MYO1F: variants seen among roughly 807,000 people sequenced by gnomAD.
MYO1F encodes myosin IF.
In MYO1F, 60 loss-of-function variants were observed where a neutral mutation model predicts 146.6. The ratio of observed to expected loss-of-function variants is 0.41; its 90% confidence interval spans 0.33 to 0.51. The LOEUF (loss-of-function observed/expected upper bound fraction) is 0.51. MYO1F is among the 20% of genes least tolerant of loss of function. The probability of loss-of-function intolerance (pLI) is 0.25; values close to 1 mark genes in which losing one functional copy is unlikely to be tolerated. For synonymous variants in MYO1F, 602 were observed against 602.1 expected (o/e 1.00, Z 0.00); for missense variants, 1,274 against 1,534.3 (o/e 0.83, Z 2.83).
At chr19:8,536,627 G>C in intron 17 of MYO1F, 30 bp from the exon 18 acceptor site, 4 of 1,479,200 alleles carry the variant, frequency 2.7e-6, no homozygotes, top group Non-Finnish European at 3.7e-6. Context: ...GAGTCCCCTC[G>C]GGGTGGGGAG....
At position 8,555,646 on chromosome 19, in the gene MYO1F, T is replaced by C. The variant is rs1455790464; in HGVS notation, c.141+13A>G. On this transcript the variant is annotated intron_variant, in intron 2 of 27. Transcript: ENST00000644032. ...TTCCCTGCCTGCCCACCCCCAGCCT[T>C]GGCCCAGGGTACGAAGATGTAGTCG... 1 of 1,613,972 alleles carries C rather than the reference T, an allele frequency of 6.2e-7. No individual in the cohort carries two copies. Among genetic ancestry groups the C allele is most frequent in the Non-Finnish European group, 8.5e-7 (1 of 1,179,962 alleles).
chr19:8,541,813 T>C lies in MYO1F; in HGVS notation c.1610+93A>G, dbSNP rs558540295. On this transcript the variant is annotated intron_variant, in intron 15 of 27. Coordinates refer to ENST00000644032, the MANE Select transcript of MYO1F (RefSeq NM_012335.4). Reference sequence around the variant, plus strand: ...CACTCCCCTCGAGTTTGTGGCGAGATGGCAGTTCTGGGTAAGATGGAGTGG... The same window carrying C: ...CACTCCCCTCGAGTTTGTGGCGAGACGGCAGTTCTGGGTAAGATGGAGTGG... 5.1e-4 allele frequency: 589 copies of C among 1,144,710 alleles called. 13 individuals are homozygous for C. The South Asian group carries it at 6.2e-3, about 12-fold the overall frequency. The allele number at this position is 1,144,710 out of a possible 1,614,324, so 70.9% of individuals were successfully genotyped here.
At position 8,550,700 on chromosome 19, in the gene MYO1F, G is replaced by T; in HGVS notation, c.772-6C>A. ...CCAATAACCTGCATAGCACTCTGTG[G>T]TACAACGGGGGCAGAAACTGTGCCG... On this transcript the variant is annotated splice_region_variant and splice_polypyrimidine_tract_variant and intron_variant, in intron 8 of 27. Transcript: ENST00000644032. The T allele has an allele frequency of 6.2e-7, 1 of 1,613,956 alleles. No individual in the cohort carries two copies. The highest frequency in any genetic ancestry group is 8.5e-7 in the Non-Finnish European group (1 of 1,179,990).
chr19:8,554,429 G>T (rs375202476), intron 4 of MYO1F, 48 bp downstream of exon 4: 10 of 1,496,686 alleles, frequency 6.7e-6, no homozygotes, highest in Middle Eastern at 2.2e-4. Context: ...TGATGTTTCA[G>T]CAGGGGCCCG....
At chr19:8,547,300 CAAAA>C (rs1196814670) in intron 12 of MYO1F, among the ~76,000 whole-genome samples, 1 of 44,994 alleles carries the variant, frequency 2.2e-5, no homozygotes, top group African/African-American at 8.7e-5. Context: ...GTTCCTGTCT[CAAAA>C]AAAAAAAAAA....
intron 1 of MYO1F, among the ~76,000 whole-genome samples, chr19:8,558,247 C>T (rs1973938292): frequency 6.6e-6 from 1 of 151,988 alleles, no homozygotes; most frequent in South Asian, 2.1e-4. Flanking sequence ...CACTGTAGCC[C>T]TGACCTTCTG....
rs563135856 is a variant in MYO1F, at chr19:8,550,641, C to T, written c.825G>A (p.Gln275=). The stretch of plus-strand genomic sequence containing the variant: ...CCAGGTGCAAGATCCCCGCCACGAG[C>T]TGCAGGACCAGCTGCTGGATGCTGG... ...IPPSIQQLVL[Q]LVAGILHLGN... The change falls in exon 9 of 28, where the codon CAG becomes CAA. Residue 275 remains glutamine, a synonymous_variant. Coordinates refer to ENST00000644032, the MANE Select transcript of MYO1F (RefSeq NM_012335.4). The T allele has an allele frequency of 1.1e-4, 172 of 1,614,184 alleles. 2 individuals carry two copies. In the South Asian group the frequency reaches 1.1e-3, roughly 11 times the overall value.
intron 1 of MYO1F, among the ~76,000 whole-genome samples, chr19:8,556,906 AAAAAG>A (rs1287986078): frequency 2.0e-5 from 3 of 151,548 alleles, no homozygotes; most frequent in Non-Finnish European, 4.4e-5. Context: ...AAAAAAAAAA[AAAAAG>A]GAAGCCAATC....
intron 1 of MYO1F, among the ~76,000 whole-genome samples, chr19:8,560,919 G>A (rs1464311707): frequency 1.3e-5 from 2 of 151,778 alleles, no homozygotes; most frequent in African/African-American, 2.4e-5. Flanking sequence ...TTGTATTTTT[G>A]GTAGAGACGG....
intron 1 of MYO1F, among the ~76,000 whole-genome samples, chr19:8,567,558 C>T (rs769940313): frequency 2.6e-5 from 4 of 152,158 alleles, no homozygotes; most frequent in Non-Finnish European, 5.9e-5. Flanking sequence ...GGTTTTACCG[C>T]GTTGGGCACG....
At chr19:8,554,839 G>T in intron 2 of MYO1F, 96 bp from the exon 3 acceptor site, 1 of 1,129,294 alleles carries the variant, frequency 8.9e-7, no homozygotes, top group Non-Finnish European at 1.3e-6. Context: ...AAACTCCATT[G>T]CTTGGAGGTG....
intron 4 of MYO1F, 134 bp downstream of exon 4, chr19:8,554,343 A>T: frequency 1.2e-6 from 1 of 804,718 alleles, no homozygotes; most frequent in Non-Finnish European, 2.2e-6. Flanking sequence ...AAGGAAAATA[A>T]AACAGAGTGA....
At chr19:8,542,074 G>T in intron 14 of MYO1F, 83 bp from the exon 15 acceptor site, 2 of 1,096,286 alleles carry the variant, frequency 1.8e-6, no homozygotes, top group Non-Finnish European at 2.8e-6. Flanking sequence ...AGCCCAGGTG[G>T]TCAAGGCTTT....
intron 25 of MYO1F, 148 bp from the exon 26 acceptor site, chr19:8,522,977 G>A: frequency 1.5e-6 from 1 of 662,398 alleles, no homozygotes; most frequent in Non-Finnish European, 2.6e-6. Context: ...GAGGGACTCT[G>A]CCGCTAGGAG....
chr19:8,543,897 CTGGTGGTGGTGGTGGTGG>C (rs1203381495), intron 14 of MYO1F, among the ~76,000 whole-genome samples: 9 of 11,094 alleles, frequency 8.1e-4, no homozygotes, highest in Non-Finnish European at 7.4e-4. Flanking sequence ...GGTGGTGGTG[CTGGTGGTGGTGGTGGTGG>C]TGGTGGTGGT....
chr19:8,542,126 C>T lies in MYO1F; in HGVS notation c.1525-135G>A, dbSNP rs1973001548. ...GGGTGAGAGGATCAGGCAGTGTCTA[C>T]AGCGCTGGCTGGGGGGTATCTACAG... On this transcript the variant is annotated intron_variant, in intron 14 of 27. Coordinates refer to ENST00000644032, the MANE Select transcript of MYO1F (RefSeq NM_012335.4). 21 of 711,850 alleles carry T rather than the reference C, an allele frequency of 3.0e-5. No individual in the cohort carries two copies. The South Asian group carries it at 3.1e-4, about 11-fold the overall frequency. The allele number at this position is 711,850 out of a possible 1,614,324, so 44.1% of individuals were successfully genotyped here.
intron 1 of MYO1F, among the ~76,000 whole-genome samples, chr19:8,561,842 G>A (rs1446075937): frequency 6.6e-5 from 10 of 150,692 alleles, no homozygotes; most frequent in Admixed American, 2.0e-4. Context: ...TCAGCCTCCC[G>A]GGCAGCTGGG....
At position 8,554,648 on chromosome 19, in the gene MYO1F, C is replaced by G; in HGVS notation, c.231+6G>C. 1 of 1,613,914 alleles carries G rather than the reference C, an allele frequency of 6.2e-7. No individual in the cohort carries two copies. ...GGCTGTGCCTCCCACCCAGCCCCAG[C>G]CTCACCGCGCCCTGATAGAGGTCGA... On this transcript the variant is annotated splice_donor_region_variant and intron_variant, in intron 3 of 27. Coordinates refer to ENST00000644032, the MANE Select transcript of MYO1F (RefSeq NM_012335.4).
chr19:8,545,712 G>A lies in MYO1F; in HGVS notation c.1294C>T (p.Arg432Cys), dbSNP rs201654775. ...EQEEYVQEGI[R>C]WTPIQYFNNK... Reference sequence around the variant, plus strand: ...TTGAAGTACTGGATTGGAGTCCAGCGGATGCCTTCCTGCACATACTCCTCC... The same window carrying A: ...TTGAAGTACTGGATTGGAGTCCAGCAGATGCCTTCCTGCACATACTCCTCC... The change falls in exon 13 of 28, where the codon CGC becomes TGC. Residue 432 changes from arginine to cysteine, a missense_variant. Coordinates refer to ENST00000644032, the MANE Select transcript of MYO1F (RefSeq NM_012335.4). 9.8e-4 allele frequency: 1,582 copies of A among 1,614,020 alleles called. 1 individual carries two copies. Among genetic ancestry groups the A allele is most frequent in the African/African-American group, 2.8e-3 (207 of 75,028 alleles).
Sources: gnomAD v4.1 joint callset for allele counts (sites outside exome capture counted in the v4.1 genomes callset) on GRCh38, gnomAD v4.1.1 for gene constraint, MANE v1.5 for transcripts, NCBI Gene and HGNC (gene_info 2026-07-23, HGNC 2026-07-21) for gene names.